S100PBP: variants seen among roughly 807,000 people sequenced by gnomAD.
S100PBP encodes the protein S100P-binding protein.
Under a neutral mutation model 39.9 loss-of-function variants are expected in S100PBP, and 15 were observed. The ratio of observed to expected loss-of-function variants is 0.38; its 90% CI spans 0.25 to 0.58. The LOEUF (loss-of-function observed/expected upper bound fraction) is 0.58. Among genes scored for constraint, S100PBP ranks in the 20% least tolerant of loss-of-function variants. S100PBP has a pLI of 0.70. For synonymous variants in S100PBP, 178 were observed against 180.3 expected (o/e 0.99, Z 0.10); for missense variants, 504 against 487.3 (o/e 1.03, Z -0.32).
At chr1:32,828,336 T>C (rs1452997887) in intron 4 of S100PBP, among the ~76,000 whole-genome samples, 4 of 152,104 alleles carry the variant, frequency 2.6e-5, no homozygotes, top group African/African-American at 9.7e-5. Flanking sequence ...AAAATAGACA[T>C]ATTAGCGAAA....
chr1:32,853,547 G>A (rs1640709475), intron 6 of S100PBP, among the ~76,000 whole-genome samples: 1 of 151,218 alleles, frequency 6.6e-6, no homozygotes, highest in African/African-American at 2.4e-5. Flanking sequence ...GGGAGTAGGG[G>A]TTGGAATTGT....
At chr1:32,840,997 A>T (rs1218885663) in intron 5 of S100PBP, among the ~76,000 whole-genome samples, 1 of 151,776 alleles carries the variant, frequency 6.6e-6, no homozygotes, top group Non-Finnish European at 1.5e-5. Flanking sequence ...CGTCTCTACT[A>T]AAAATACAAA....
At chr1:32,832,184 C>T (rs145245635) in intron 5 of S100PBP, among the ~76,000 whole-genome samples, 3 of 152,164 alleles carry the variant, frequency 2.0e-5, no homozygotes, top group South Asian at 2.1e-4. Context: ...GAAAATTATA[C>T]GGGTATAAAG....
At chr1:32,853,028 C>T (rs1401799914) in intron 5 of S100PBP, 51 bp from the exon 6 acceptor site, 2 of 1,272,696 alleles carry the variant, frequency 1.6e-6, no homozygotes, top group Admixed American at 3.4e-5. Context: ...TTGACGTTGG[C>T]TGACGTAGTT....
rs866587212 is a variant in S100PBP at position 32,841,677 on chromosome 1, C to T, written c.1025-11402C>T. On this transcript the variant is annotated intron_variant, in intron 5 of 6. Transcript: ENST00000373475. Reference sequence around the variant, plus strand: ...CCGGAAAGTAAAGATTGCTGTGGGCCGAGATAGCACCATTGCACTCCAGCC... The same window carrying T: ...CCGGAAAGTAAAGATTGCTGTGGGCTGAGATAGCACCATTGCACTCCAGCC... Among the ~76,000 whole-genome samples, 5 of 143,388 alleles carry T rather than the reference C, an allele frequency of 3.5e-5. No homozygotes were observed. The South Asian group carries it at 6.5e-4, about 19-fold the overall frequency. The allele number at this position is 143,388 out of a possible 152,430, so 94.1% of individuals were successfully genotyped here. A position where few individuals can be genotyped will look rare whatever the true frequency, so the allele number is the denominator to read the frequency against.
chr1:32,832,425 T>G (rs2148656797), intron 5 of S100PBP, among the ~76,000 whole-genome samples: 1 of 152,336 alleles, frequency 6.6e-6, no homozygotes, highest in Admixed American at 6.5e-5. Context: ...TTTGACAATT[T>G]CCATAATTAA....
At chr1:32,823,967 G>C (rs1200519716) in intron 1 of S100PBP, among the ~76,000 whole-genome samples, 1 of 152,204 alleles carries the variant, frequency 6.6e-6, no homozygotes, top group African/African-American at 2.4e-5. Flanking sequence ...GGGAGGCCGA[G>C]GCAGGCGGAT....
chr1:32,833,026 C>T (rs1639668524), intron 5 of S100PBP, among the ~76,000 whole-genome samples: 1 of 151,948 alleles, frequency 6.6e-6, no homozygotes, highest in South Asian at 2.1e-4. Flanking sequence ...ATACCAACAA[C>T]TTCCTTTCTG....
chr1:32,820,144 C>CTTTTTTTTTTT (rs5773387), intron 1 of S100PBP, among the ~76,000 whole-genome samples: 1 of 104,828 alleles, frequency 9.5e-6, no homozygotes, highest in Non-Finnish European at 1.7e-5. Flanking sequence ...CGTTCCTATG[C>CTTTTTTTTTTT]TTTTTTTTTT....
intron 5 of S100PBP, among the ~76,000 whole-genome samples, chr1:32,830,566 A>G (rs147828261): frequency 3.9e-4 from 60 of 152,328 alleles, no homozygotes; most frequent in African/African-American, 1.3e-3. Context: ...TCCCCACTTC[A>G]TTAGAAGATA....
chr1:32,822,947 A>G (rs945932089), intron 1 of S100PBP, among the ~76,000 whole-genome samples: 1 of 152,170 alleles, frequency 6.6e-6, no homozygotes, highest in African/African-American at 2.4e-5. Flanking sequence ...TACTGAATTT[A>G]GAAGGCCTGA....
chr1:32,830,160 T>G, intron 5 of S100PBP, 93 bp downstream of exon 5: 1 of 788,958 alleles, frequency 1.3e-6, no homozygotes, highest in Non-Finnish European at 2.1e-6. Flanking sequence ...GTTTAGAATT[T>G]TCTTAAATTC....
intron 5 of S100PBP, among the ~76,000 whole-genome samples, chr1:32,846,516 A>C (rs1414768630): frequency 2.0e-5 from 3 of 151,684 alleles, no homozygotes; most frequent in African/African-American, 7.3e-5. Flanking sequence ...TCCCTGACTC[A>C]TTTAATTTTT....
intron 5 of S100PBP, chr1:32,836,365 C>G (rs999706113): frequency 1.2e-5 from 2 of 169,780 alleles, no homozygotes; most frequent in African/African-American, 4.8e-5. Flanking sequence ...CTCCTGAGCT[C>G]AAGTGATCTC....
chr1:32,843,587 G>A (rs1206064255), intron 5 of S100PBP, among the ~76,000 whole-genome samples: 1 of 152,082 alleles, frequency 6.6e-6, no homozygotes, highest in Non-Finnish European at 1.5e-5. Context: ...CTGAATAGCT[G>A]GGATTACAGG....
chr1:32,842,213 A>G (rs868643421), intron 5 of S100PBP, among the ~76,000 whole-genome samples: 2 of 52,702 alleles, frequency 3.8e-5, no homozygotes, highest in African/African-American at 1.7e-4. Flanking sequence ...ACATATATAT[A>G]TATATATGTA....
intron 5 of S100PBP, chr1:32,847,277 T>C (rs973648035): frequency 6.6e-6 from 1 of 152,230 alleles, no homozygotes; most frequent in Non-Finnish European, 1.5e-5. Context: ...GTCTCTCTGC[T>C]TTTATTTAGA....
chr1:32,825,699 C>T (rs916447356), intron 2 of S100PBP, among the ~76,000 whole-genome samples: 1 of 152,186 alleles, frequency 6.6e-6, no homozygotes, highest in African/African-American at 2.4e-5. Flanking sequence ...TTTAGGTTGC[C>T]TCCAGGATTT....
Position 32,826,729 on chromosome 1 carries a change from C to T in S100PBP, c.630C>T (p.Pro210=). The T allele has an allele frequency of 1.9e-6, 3 of 1,614,062 alleles. No individual in the cohort carries two copies. Among genetic ancestry groups the T allele is most frequent in the Admixed American group, 1.7e-5 (1 of 60,014 alleles). ...ISPNNSAWNG[P]QLSSSNNNFQ... Reference sequence around the variant, plus strand: ...CCAATAACTCTGCCTGGAATGGGCCCCAGCTCTCTTCTTCAAACAATAACT... The same window carrying T: ...CCAATAACTCTGCCTGGAATGGGCCTCAGCTCTCTTCTTCAAACAATAACT... The change falls in exon 3 of 7, where the codon CCC becomes CCT. Residue 210 remains proline (P), a synonymous_variant. Coordinates refer to ENST00000373475, the MANE Select transcript of S100PBP (RefSeq NM_022753.4).
Sources: allele counts gnomAD v4.1 joint callset (sites outside exome capture counted in the v4.1 genomes callset), GRCh38; gene constraint gnomAD v4.1.1; transcripts MANE v1.5; gene names NCBI Gene and HGNC (gene_info 2026-07-23, HGNC 2026-07-21).